The following APBA2 variants were observed in gnomAD, a reference collection of about 807,000 sequenced individuals.
APBA2 encodes the protein amyloid beta precursor protein binding family A member 2, also known as amyloid-beta A4 precursor protein-binding family A member 2.
APBA2 carries 30 observed loss-of-function variants against 75.0 expected under a neutral mutation model. The observed-to-expected ratio is 0.40, with a 90% CI of 0.30 to 0.54. The LOEUF is 0.54. Among genes scored for constraint, APBA2 ranks in the 20% least tolerant of loss-of-function variants. The pLI, the probability that APBA2 is intolerant of heterozygous loss-of-function variation, is 0.49. For missense variants in APBA2, 801 were observed against 1,016.1 expected, an observed-to-expected ratio of 0.79 and a Z score of 2.88; for synonymous variants, 444 against 409.6, an observed-to-expected ratio of 1.08 and a Z score of -1.01.
intron 14 of APBA2, among the ~76,000 whole-genome samples, chr15:29,115,589 C>T (rs545392859): frequency 1.3e-5 from 2 of 152,270 alleles, no homozygotes; most frequent in East Asian, 1.9e-4. Flanking sequence ...GCGGCCGGGG[C>T]GTTGGAATCC....
chr15:28,978,113 A>G (rs992928273), intron 2 of APBA2, among the ~76,000 whole-genome samples: 1 of 152,130 alleles, frequency 6.6e-6, no homozygotes, highest in South Asian at 2.1e-4. Context: ...ATTAGTTTCC[A>G]TTCTCCCTCT....
intron 6 of APBA2, among the ~76,000 whole-genome samples, chr15:29,091,137 C>T (rs1482499896): frequency 6.6e-6 from 1 of 152,170 alleles, no homozygotes; most frequent in Non-Finnish European, 1.5e-5. Flanking sequence ...CTGAATCCCG[C>T]AGTCCCCCAC....
chr15:29,075,408 T>C (rs371796389), intron 5 of APBA2, among the ~76,000 whole-genome samples: 11 of 152,280 alleles, frequency 7.2e-5, no homozygotes, highest in African/African-American at 2.6e-4. Context: ...TTGGGGACTG[T>C]CCTGTGTATT....
In APBA2 at chr15:28,966,374, G is replaced by A. The variant is rs963514577; in HGVS notation, c.-94-29379G>A. Among the ~76,000 whole-genome samples, 14 of 152,168 alleles carry A rather than the reference G, an allele frequency of 9.2e-5. No individual in the cohort carries two copies. The South Asian group carries it at 1.9e-3, about 20-fold the overall frequency. On this transcript the variant is annotated intron_variant, in intron 2 of 14. Coordinates refer to ENST00000683413, the MANE Select transcript of APBA2 (RefSeq NM_001353788.2). ...TTTTGCTGTATGTGTTTTGTGGTCT[G>A]GGGGGTACGCATTTAGAATTTCTGT... is the stretch of plus-strand genomic sequence containing the variant.
At chr15:29,003,481 T>G (rs541393995) in intron 3 of APBA2, among the ~76,000 whole-genome samples, 8 of 152,336 alleles carry the variant, frequency 5.3e-5, no homozygotes, top group East Asian at 1.9e-4. Flanking sequence ...AGCCACTAGC[T>G]CCAGGTCTCA....
intron 6 of APBA2, among the ~76,000 whole-genome samples, chr15:29,086,916 A>G (rs2043314802): frequency 6.6e-6 from 1 of 152,194 alleles, no homozygotes; most frequent in Admixed American, 6.5e-5. Context: ...TCCCCTATTT[A>G]TCCCCCCACC....
intron 4 of APBA2, among the ~76,000 whole-genome samples, chr15:29,065,609 G>A (rs1201956781): frequency 3.3e-5 from 5 of 152,174 alleles, no homozygotes; most frequent in African/African-American, 9.7e-5. Flanking sequence ...AGCCCTCTGG[G>A]CTGATAGAGG....
intron 14 of APBA2, among the ~76,000 whole-genome samples, chr15:29,115,271 G>A (rs1465858246): frequency 6.6e-6 from 1 of 151,850 alleles, no homozygotes; most frequent in Non-Finnish European, 1.5e-5. Context: ...TGGGTGGAGG[G>A]GTCTCTAGTT....
At chr15:29,021,029 G>A (rs1249017508) in intron 3 of APBA2, among the ~76,000 whole-genome samples, 1 of 152,002 alleles carries the variant, frequency 6.6e-6, no homozygotes. Context: ...AAGACAAGAT[G>A]GGGAAGTGAG....
chr15:29,005,601 C>T (rs12442593), intron 3 of APBA2, among the ~76,000 whole-genome samples: 11,908 of 152,144 alleles, frequency 0.078, 644 homozygotes, highest in East Asian at 0.27. Context: ...CAGTGGCTCA[C>T]GCCAGCAAAT....
In APBA2 at chr15:28,918,788, G is replaced by A. The variant is rs1431969477; in HGVS notation, c.-204-2852G>A. Among the ~76,000 whole-genome samples, 1 of 151,906 alleles carries A rather than the reference G, an allele frequency of 6.6e-6. No homozygotes were observed. The highest frequency in any genetic ancestry group is 1.5e-5 in the Non-Finnish European group (1 of 67,972). On this transcript the variant is annotated intron_variant, in intron 1 of 14. Transcript: ENST00000683413. The surrounding 1 kb of genome is among the most constrained non-coding windows in gnomAD (Gnocchi z 4.2). ...GCTTGGGGTTGTTGCCCACATCACCGAGCGAACGTTCCTGTCCCGCCCACT... is the reference window on the plus strand; with the variant it reads ...GCTTGGGGTTGTTGCCCACATCACCAAGCGAACGTTCCTGTCCCGCCCACT...
At chr15:29,068,333 G>C (rs956085235) in intron 4 of APBA2, among the ~76,000 whole-genome samples, 3 of 152,174 alleles carry the variant, frequency 2.0e-5, no homozygotes, top group African/African-American at 7.2e-5. Context: ...CAGCCATGCT[G>C]GCCCCTAAGC....
chr15:29,052,684 G>T (rs1338398921), intron 3 of APBA2, among the ~76,000 whole-genome samples: 2 of 152,092 alleles, frequency 1.3e-5, no homozygotes, highest in Non-Finnish European at 2.9e-5. Flanking sequence ...TCTGTTTTCT[G>T]TTGCTATAAC....
intron 2 of APBA2, among the ~76,000 whole-genome samples, chr15:28,936,664 G>T (rs2152696720): frequency 6.6e-6 from 1 of 152,332 alleles, no homozygotes; most frequent in Non-Finnish European, 1.5e-5. Context: ...AGAGTTGGCT[G>T]GTAACAGCCA....
intron 2 of APBA2, among the ~76,000 whole-genome samples, chr15:28,927,721 C>T (rs370774699): frequency 6.6e-6 from 1 of 151,828 alleles, no homozygotes; most frequent in South Asian, 2.1e-4. Context: ...GCCGCTGTGC[C>T]CGGTCTTCCC....
intron 14 of APBA2, among the ~76,000 whole-genome samples, chr15:29,116,642 AAG>A (rs1335151383): frequency 6.6e-6 from 1 of 151,292 alleles, no homozygotes; most frequent in Non-Finnish European, 1.5e-5. Flanking sequence ...AAAAAAAAAA[AAG>A]AAGGGGTGCG....
chr15:28,984,692 C>G (rs556449070), intron 2 of APBA2, among the ~76,000 whole-genome samples: 1 of 151,446 alleles, frequency 6.6e-6, no homozygotes, highest in Non-Finnish European at 1.5e-5. Flanking sequence ...TCTGTCTATC[C>G]CTATCTCTCC....
chr15:29,038,665 A>ATTTTTTT (rs67217686), intron 3 of APBA2, among the ~76,000 whole-genome samples: 5 of 105,448 alleles, frequency 4.7e-5, no homozygotes, highest in Admixed American at 1.2e-4. Flanking sequence ...ATATGCAGGC[A>ATTTTTTT]TTTTTTTTTT....
At chr15:29,042,236 A>C (rs1269790385) in intron 3 of APBA2, among the ~76,000 whole-genome samples, 2 of 152,126 alleles carry the variant, frequency 1.3e-5, no homozygotes, top group African/African-American at 4.8e-5. Context: ...ACTGTATGTC[A>C]ACTAATTATA....
Sources: allele counts gnomAD v4.1 joint callset (sites outside exome capture counted in the v4.1 genomes callset), GRCh38; gene constraint gnomAD v4.1.1; non-coding constraint Gnocchi (gnomAD v3.1); transcripts MANE v1.5; gene names NCBI Gene and HGNC (gene_info 2026-07-23, HGNC 2026-07-21).